ZNF608: variants seen among roughly 807,000 people sequenced by gnomAD.
The protein encoded by ZNF608 is zinc finger protein 608, also known as renal carcinoma antigen NY-REN-36.
Under a neutral mutation model 109.0 loss-of-function variants are expected in ZNF608, and 12 were observed. The ratio of observed to expected loss-of-function variants is 0.11; its 90% confidence interval spans 0.07 to 0.18. The LOEUF is 0.18. ZNF608 is among the 10% of genes least tolerant of loss of function. ZNF608 has a pLI of 1.00. For synonymous variants in ZNF608, 732 were observed against 717.4 expected (o/e 1.02, Z -0.33); for missense variants, 1,707 against 1,879.3 (o/e 0.91, Z 1.70).
At chr5:124,660,518 G>C (rs2149802644) in intron 3 of ZNF608, among the ~76,000 whole-genome samples, 1 of 152,224 alleles carries the variant, frequency 6.6e-6, no homozygotes, top group Admixed American at 6.5e-5. Context: ...AGTCATTTCT[G>C]AGGAGTAGGA....
intron 4 of ZNF608, 70 bp downstream of exon 4, chr5:124,649,540 G>T: frequency 3.9e-6 from 5 of 1,265,856 alleles, no homozygotes; most frequent in South Asian, 1.3e-5. Flanking sequence ...TATGTATTAT[G>T]AATCTCTCTC....
At chr5:124,679,180 T>C (rs1752086103) in intron 3 of ZNF608, among the ~76,000 whole-genome samples, 1 of 152,234 alleles carries the variant, frequency 6.6e-6, no homozygotes, top group African/African-American at 2.4e-5. Flanking sequence ...TCCTTCAGTT[T>C]ACTGCCTGTC....
At chr5:124,675,481 T>C (rs1302773608) in intron 3 of ZNF608, among the ~76,000 whole-genome samples, 1 of 152,236 alleles carries the variant, frequency 6.6e-6, no homozygotes, top group East Asian at 1.9e-4. Flanking sequence ...GTATGGCCAG[T>C]GGCAGTTTAG....
chr5:124,716,330 T>C (rs1189818151), intron 2 of ZNF608, among the ~76,000 whole-genome samples: 1 of 145,382 alleles, frequency 6.9e-6, no homozygotes, highest in African/African-American at 2.8e-5. Flanking sequence ...AATTGTTTCA[T>C]TTAATAAAAA....
intron 2 of ZNF608, among the ~76,000 whole-genome samples, chr5:124,728,930 T>A (rs1335809761): frequency 6.6e-6 from 1 of 152,134 alleles, no homozygotes; most frequent in Non-Finnish European, 1.5e-5. Context: ...CCAAGTAACA[T>A]AAATAAAATT....
intron 3 of ZNF608, among the ~76,000 whole-genome samples, chr5:124,665,822 G>T (rs146149529): frequency 7.2e-5 from 11 of 152,296 alleles, no homozygotes; most frequent in African/African-American, 2.4e-4. Context: ...ACTACTCCTT[G>T]CAGTTTAATG....
At chr5:124,684,790 C>A (rs1011728756) in intron 3 of ZNF608, among the ~76,000 whole-genome samples, 5 of 152,150 alleles carry the variant, frequency 3.3e-5, no homozygotes, top group Non-Finnish European at 7.4e-5. Flanking sequence ...AGCAATCACG[C>A]CATTTTGTTT....
At chr5:124,698,330 A>T (rs1752927882) in intron 3 of ZNF608, among the ~76,000 whole-genome samples, 1 of 152,258 alleles carries the variant, frequency 6.6e-6, no homozygotes, top group Non-Finnish European at 1.5e-5. Context: ...CACATTAAAC[A>T]TACATCTTAT....
Position 124,641,373 on chromosome 5 carries a change from C to T in ZNF608, c.4329G>A (p.Arg1443=), listed in dbSNP as rs1423014015. The T allele has an allele frequency of 2.5e-6, 4 of 1,613,884 alleles. No individual in the cohort carries two copies. In the African/African-American group the frequency reaches 5.3e-5, roughly 22 times the overall value. Residue 1443 remains arginine, a synonymous_variant, in exon 8 of 10, where the codon CGG becomes CGA. Coordinates refer to ENST00000513986, the MANE Select transcript of ZNF608 (RefSeq NM_020747.3). ...PVEKATAERE[R]EAERERDRHS... is the part of the protein sequence containing the mutation. ...GGCGATCCCTTTCCCTTTCTGCCTC[C>T]CGTTCCCGCTCAGCTGTAGCCTTTT...
At chr5:124,689,911 A>G (rs1246339936) in intron 3 of ZNF608, among the ~76,000 whole-genome samples, 2 of 152,240 alleles carry the variant, frequency 1.3e-5, no homozygotes, top group Non-Finnish European at 2.9e-5. Flanking sequence ...TGTCCACACA[A>G]AAACCTACAA....
intron 3 of ZNF608, among the ~76,000 whole-genome samples, chr5:124,682,947 G>A (rs1370250778): frequency 1.3e-5 from 2 of 152,048 alleles, no homozygotes; most frequent in Admixed American, 1.3e-4. Flanking sequence ...ATAACGAACA[G>A]AAGTAATGAG....
intron 3 of ZNF608, among the ~76,000 whole-genome samples, chr5:124,699,700 G>A (rs567690324): frequency 1.3e-5 from 2 of 152,172 alleles, no homozygotes; most frequent in South Asian, 4.1e-4. Flanking sequence ...AACAACCTTT[G>A]TTTTCTACCT....
In ZNF608 at chr5:124,639,192, A is replaced by T; in HGVS notation, c.4473T>A (p.Val1491=). ...PFQGLTSAAL[V]ASQQVAAQAS... is the part of the protein sequence containing the mutation. ...CCTGGGCAGCCACCTGCTGAGAGGCAACAAGGGCAGCAGAGGTCAAGCCTA... is the reference window on the plus strand; with the variant it reads ...CCTGGGCAGCCACCTGCTGAGAGGCTACAAGGGCAGCAGAGGTCAAGCCTA... The change falls in exon 9 of 10, where the codon GTT becomes GTA. Residue 1491 remains valine, a synonymous_variant. Transcript: ENST00000513986. The T allele has an allele frequency of 6.2e-7, 1 of 1,614,246 alleles. No homozygotes were observed. Among genetic ancestry groups the T allele is most frequent in the East Asian group, 2.2e-5 (1 of 44,890 alleles).
At chr5:124,703,907 C>A (rs1753156885) in intron 2 of ZNF608, among the ~76,000 whole-genome samples, 1 of 152,198 alleles carries the variant, frequency 6.6e-6, no homozygotes, top group Non-Finnish European at 1.5e-5. Context: ...TGCAGAAACA[C>A]ACACACACCC....
chr5:124,721,393 C>T (rs958301932), intron 2 of ZNF608, among the ~76,000 whole-genome samples: 1 of 152,068 alleles, frequency 6.6e-6, no homozygotes, highest in South Asian at 2.1e-4. Context: ...CAGTGCTAGG[C>T]GCTGGGGAGA....
At chr5:124,733,256 C>G (rs1748990796) in intron 2 of ZNF608, among the ~76,000 whole-genome samples, 1 of 147,968 alleles carries the variant, frequency 6.8e-6, no homozygotes, top group Admixed American at 6.8e-5. Context: ...TGGCGGCTAC[C>G]CAACCCAAAG....
chr5:124,668,193 AAAAT>A (rs1339541674), intron 3 of ZNF608, among the ~76,000 whole-genome samples: 8 of 42,206 alleles, frequency 1.9e-4, no homozygotes, highest in African/African-American at 6.8e-4. Flanking sequence ...TCTATGCTTA[AAAAT>A]ATATATATAT....
chr5:124,655,295 T>C (rs1750956648), intron 3 of ZNF608, among the ~76,000 whole-genome samples: 1 of 152,248 alleles, frequency 6.6e-6, no homozygotes, highest in African/African-American at 2.4e-5. Flanking sequence ...AAATGCCTGA[T>C]TTCCCAGTGG....
At chr5:124,697,014 A>G (rs1409795974) in intron 3 of ZNF608, among the ~76,000 whole-genome samples, 1 of 152,116 alleles carries the variant, frequency 6.6e-6, no homozygotes, top group African/African-American at 2.4e-5. Flanking sequence ...GTGGGTTTTA[A>G]AAGCTCCCAA....
Sources: gnomAD v4.1 joint callset for allele counts (sites outside exome capture counted in the v4.1 genomes callset) on GRCh38, gnomAD v4.1.1 for gene constraint, MANE v1.5 for transcripts, NCBI Gene and HGNC (gene_info 2026-07-23, HGNC 2026-07-21) for gene names.